Variants in XKR4 observed in about 807,000 individuals in gnomAD.
XKR4 encodes the protein XK related 4, also known as XK-related protein 4.
In XKR4, 12 loss-of-function variants were observed where a neutral mutation model predicts 53.9. The observed-to-expected ratio is 0.22, with a 90% CI of 0.14 to 0.36. The LOEUF (loss-of-function observed/expected upper bound fraction) is 0.36, where lower values mean the gene tolerates loss of function less well. XKR4 is among the 10% of genes least tolerant of loss of function. XKR4 has a pLI of 1.00. For synonymous variants in XKR4, 354 were observed against 362.4 expected (o/e 0.98, Z 0.26); for missense variants, 799 against 859.5 (o/e 0.93, Z 0.88).
intron 1 of XKR4, among the ~76,000 whole-genome samples, chr8:55,132,399 TC>T (rs566193116): frequency 1.9e-3 from 294 of 152,340 alleles, no homozygotes; most frequent in Non-Finnish European, 2.9e-3. Flanking sequence ...ATACTGTTTT[TC>T]CCTATATGTA....
At chr8:55,379,985 G>A (rs150400286) in intron 2 of XKR4, among the ~76,000 whole-genome samples, 99 of 152,322 alleles carry the variant, frequency 6.5e-4, no homozygotes, top group Admixed American at 1.7e-3. Flanking sequence ...CATCATGCAC[G>A]TTAAGGCATT....
rs1806866436 is a variant in XKR4, at chr8:55,525,278, C to A, written c.*1051C>A. 1 of 152,678 alleles carries A rather than the reference C, an allele frequency of 6.5e-6. No homozygotes were observed. The highest frequency in any genetic ancestry group is 6.5e-5 in the Admixed American group (1 of 15,286). The allele number at this position is 152,678 out of a possible 1,614,324, so 9.5% of individuals were successfully genotyped here. ...AAACACCATCCAACCACAGGACTGA[C>A]GTGGAAGCCCCAAACAACTGAGAAT... On this transcript the variant is annotated 3_prime_UTR_variant, in exon 3 of 3. Transcript: ENST00000327381.
chr8:55,178,902 A>C (rs893206784), intron 1 of XKR4, among the ~76,000 whole-genome samples: 1 of 151,880 alleles, frequency 6.6e-6, no homozygotes, highest in Non-Finnish European at 1.5e-5. Flanking sequence ...AATCCAAGAC[A>C]CTCCTCTCAG....
intron 1 of XKR4, among the ~76,000 whole-genome samples, chr8:55,272,326 G>A (rs1311686328): frequency 1.3e-5 from 2 of 152,168 alleles, no homozygotes; most frequent in African/African-American, 4.8e-5. Flanking sequence ...TGGATAATAA[G>A]TAAAGTTTAG....
At chr8:55,313,237 T>C (rs919226787) in intron 1 of XKR4, among the ~76,000 whole-genome samples, 12 of 152,206 alleles carry the variant, frequency 7.9e-5, no homozygotes, top group Non-Finnish European at 1.2e-4. Flanking sequence ...ACAACATTAC[T>C]ATCATGAGTA....
At chr8:55,451,587 G>T in intron 2 of XKR4, 1 of 1,300,920 alleles carries the variant, frequency 7.7e-7, no homozygotes, top group Non-Finnish European at 1.1e-6. Flanking sequence ...ACCGCCGGAT[G>T]CGCCAGCAGA....
chr8:55,289,649 G>GAAAAA (rs1563316461), intron 1 of XKR4, among the ~76,000 whole-genome samples: 1 of 99,620 alleles, frequency 1.0e-5, no homozygotes, highest in Admixed American at 1.1e-4. Context: ...AAGAAAGAAA[G>GAAAAA]GAAGGAAGGA....
At chr8:55,261,442 A>T (rs1818524115) in intron 1 of XKR4, among the ~76,000 whole-genome samples, 1 of 152,204 alleles carries the variant, frequency 6.6e-6, no homozygotes, top group Admixed American at 6.5e-5. Context: ...TTTTAAAAAT[A>T]TTATTTTCTT....
At chr8:55,161,498 C>T (rs1816985011) in intron 1 of XKR4, 1 of 455,250 alleles carries the variant, frequency 2.2e-6, no homozygotes, top group Non-Finnish European at 4.4e-6. Flanking sequence ...TTATAGCCAC[C>T]ATCTGAAAAA....
At chr8:55,476,161 A>G (rs972058327) in intron 2 of XKR4, among the ~76,000 whole-genome samples, 1 of 151,990 alleles carries the variant, frequency 6.6e-6, no homozygotes, top group African/African-American at 2.4e-5. Context: ...CAGAAAGTAC[A>G]TTTTCACAGT....
intron 2 of XKR4, among the ~76,000 whole-genome samples, chr8:55,464,965 C>T (rs527453907): frequency 6.6e-6 from 1 of 152,060 alleles, no homozygotes; most frequent in Admixed American, 6.5e-5. Context: ...AACTACAAAC[C>T]ACTGCTCAGT....
intron 1 of XKR4, among the ~76,000 whole-genome samples, chr8:55,202,536 T>A (rs1166219686): frequency 6.6e-6 from 1 of 152,208 alleles, no homozygotes; most frequent in East Asian, 1.9e-4. Flanking sequence ...TGGCTTACTA[T>A]AAGGCTCTTT....
intron 1 of XKR4, among the ~76,000 whole-genome samples, chr8:55,243,431 T>G (rs901563607): frequency 4.6e-5 from 7 of 152,254 alleles, no homozygotes; most frequent in Non-Finnish European, 1.0e-4. Context: ...CTTTTCAGAT[T>G]GGCTTTCTTT....
rs1323600325 is a variant in XKR4 at position 55,523,346 on chromosome 8, C to G, written c.1072C>G (p.Arg358Gly). ...WALASYQKALRDSRDDKKPIS... is the reference protein window; with the variant it reads ...WALASYQKALGDSRDDKKPIS... ...CTTGGCCTCCTACCAGAAGGCCCTC[C>G]GGGACTCTCGAGATGACAAGAAGCC... Residue 358 changes from arginine to glycine, a missense_variant, in exon 3 of 3, where the codon CGG becomes GGG. Coordinates refer to ENST00000327381, the MANE Select transcript of XKR4 (RefSeq NM_052898.2). 2 of 1,614,094 alleles carry G rather than the reference C, an allele frequency of 1.2e-6. No homozygotes were observed. Among genetic ancestry groups the G allele is most frequent in the Non-Finnish European group, 1.7e-6 (2 of 1,179,980 alleles).
At chr8:55,309,817 G>C (rs1819362703) in intron 1 of XKR4, among the ~76,000 whole-genome samples, 1 of 152,148 alleles carries the variant, frequency 6.6e-6, no homozygotes, top group Admixed American at 6.5e-5. Flanking sequence ...CCACGACTAT[G>C]GATTGCCTTA....
intron 1 of XKR4, among the ~76,000 whole-genome samples, chr8:55,310,290 G>C (rs1016121747): frequency 1.4e-4 from 22 of 151,996 alleles, no homozygotes; most frequent in African/African-American, 4.8e-4. Context: ...TGGGCTCCGG[G>C]GTCAGACTTC....
chr8:55,329,121 G>A (rs962009280), intron 1 of XKR4, among the ~76,000 whole-genome samples: 14 of 152,054 alleles, frequency 9.2e-5, no homozygotes, highest in Admixed American at 2.0e-4. Flanking sequence ...CTTTTCAACC[G>A]TGAAACTTGA....
chr8:55,263,885 TA>T (rs1818564220), intron 1 of XKR4, among the ~76,000 whole-genome samples: 1 of 152,200 alleles, frequency 6.6e-6, no homozygotes, highest in Non-Finnish European at 1.5e-5. Context: ...GAAGAACTTT[TA>T]GGGCCACTTC....
intron 1 of XKR4, among the ~76,000 whole-genome samples, chr8:55,253,507 A>G (rs924939055): frequency 1.3e-5 from 2 of 152,214 alleles, no homozygotes; most frequent in African/African-American, 2.4e-5. Flanking sequence ...ATTGTGAAAA[A>G]TGAAAGGCTA....
Sources: gnomAD v4.1 joint callset for allele counts (sites outside exome capture counted in the v4.1 genomes callset) on GRCh38, gnomAD v4.1.1 for gene constraint, MANE v1.5 for transcripts, NCBI Gene and HGNC (gene_info 2026-07-23, HGNC 2026-07-21) for gene names.